The following TNFRSF21 variants were observed in gnomAD, a reference collection of about 807,000 sequenced individuals.
TNFRSF21 encodes TNF receptor superfamily member 21.
In TNFRSF21, 19 loss-of-function variants were observed where a neutral mutation model predicts 45.6. That is an observed-to-expected ratio of 0.42 (90% CI 0.29 to 0.61). TNFRSF21 has a LOEUF of 0.61. Ranked by LOEUF, TNFRSF21 falls within the 20% of genes least tolerant of loss-of-function variation. The pLI is 0.23. For synonymous variants in TNFRSF21, 314 were observed against 335.5 expected (o/e 0.94, Z 0.70); for missense variants, 737 against 851.5 (o/e 0.87, Z 1.67).
intron 3 of TNFRSF21, among the ~76,000 whole-genome samples, chr6:47,265,394 TTTG>T (rs1762317700): frequency 7.4e-6 from 1 of 134,460 alleles, no homozygotes; most frequent in Non-Finnish European, 1.7e-5. Flanking sequence ...TTTGTTTTGT[TTTG>T]TTTTTTTTAA....
intron 3 of TNFRSF21, among the ~76,000 whole-genome samples, chr6:47,261,134 C>T (rs1003928216): frequency 2.6e-5 from 4 of 152,170 alleles, no homozygotes; most frequent in Admixed American, 6.5e-5. Flanking sequence ...CTAACAGGCA[C>T]GCACTGTGTC....
At chr6:47,290,907 A>T (rs1762715428) in intron 1 of TNFRSF21, among the ~76,000 whole-genome samples, 1 of 152,266 alleles carries the variant, frequency 6.6e-6, no homozygotes, top group South Asian at 2.1e-4. Context: ...ACTCTATTCC[A>T]GCCCTTATGA....
At chr6:47,274,306 A>G (rs1762465537) in intron 3 of TNFRSF21, among the ~76,000 whole-genome samples, 1 of 152,214 alleles carries the variant, frequency 6.6e-6, no homozygotes, top group Non-Finnish European at 1.5e-5. Flanking sequence ...CCAATGGAAC[A>G]GAACACAGGC....
At chr6:47,234,941 A>G (rs1764645011) in intron 4 of TNFRSF21, 43 bp from the exon 5 acceptor site, 3 of 1,170,172 alleles carry the variant, frequency 2.6e-6, no homozygotes, top group Non-Finnish European at 3.3e-6. Flanking sequence ...TAGAAAAAAA[A>G]ACAGTAAAAT....
chr6:47,282,015 CT>C (rs1762574235), intron 3 of TNFRSF21, among the ~76,000 whole-genome samples: 1 of 152,040 alleles, frequency 6.6e-6, no homozygotes, highest in Non-Finnish European at 1.5e-5. Flanking sequence ...AATCTTTTGG[CT>C]TCCCTGAGCC....
chr6:47,306,265 T>C (rs1304010776), intron 1 of TNFRSF21, among the ~76,000 whole-genome samples: 1 of 152,258 alleles, frequency 6.6e-6, no homozygotes, highest in Non-Finnish European at 1.5e-5. Flanking sequence ...ATTCCTGTAA[T>C]TCTCATTCAC....
At chr6:47,259,300 C>T (rs918603053) in intron 3 of TNFRSF21, among the ~76,000 whole-genome samples, 13 of 152,064 alleles carry the variant, frequency 8.5e-5, no homozygotes, top group East Asian at 1.9e-4. Context: ...GTGTCTTTTT[C>T]CTTACATTGA....
At chr6:47,253,933 C>T (rs1455658122) in intron 3 of TNFRSF21, among the ~76,000 whole-genome samples, 1 of 152,204 alleles carries the variant, frequency 6.6e-6, no homozygotes, top group African/African-American at 2.4e-5. Context: ...CCTATACATA[C>T]TACGCATGAA....
chr6:47,250,652 T>G (rs1332909262), intron 4 of TNFRSF21, among the ~76,000 whole-genome samples: 1 of 152,098 alleles, frequency 6.6e-6, no homozygotes, highest in Admixed American at 6.5e-5. Context: ...GTCCAATAAC[T>G]CCTGGGGCAA....
intron 3 of TNFRSF21, among the ~76,000 whole-genome samples, chr6:47,258,641 G>A (rs1765023765): frequency 5.9e-5 from 9 of 152,106 alleles, no homozygotes; most frequent in Admixed American, 5.2e-4. Context: ...GTTTTGCCAT[G>A]TTGGCCAGGC....
At chr6:47,281,963 C>A (rs976877206) in intron 3 of TNFRSF21, among the ~76,000 whole-genome samples, 1 of 151,910 alleles carries the variant, frequency 6.6e-6, no homozygotes, top group Non-Finnish European at 1.5e-5. Flanking sequence ...TGCCTCTGCC[C>A]GACTTTCACT....
rs372661647 is a variant in TNFRSF21, at chr6:47,248,282, T to C, written c.1509+4974A>G. On this transcript the variant is annotated intron_variant, in intron 4 of 5. Transcript: ENST00000296861. ...CCAGTAATTTGATTATCAAAATTAA[T>C]TTTGATAACCACTCAGAGTGTGAAG... 8.5e-5 allele frequency among the ~76,000 whole-genome samples: 13 copies of C among 152,248 alleles called. 1 individual carries two copies. The highest frequency in any genetic ancestry group is 3.1e-4 in the African/African-American group (13 of 41,532).
chr6:47,251,978 G>C (rs1415497424), intron 4 of TNFRSF21, among the ~76,000 whole-genome samples: 1 of 152,074 alleles, frequency 6.6e-6, no homozygotes, highest in African/African-American at 2.4e-5. Context: ...AAATATGCCA[G>C]AGCTTTAAAA....
At chr6:47,271,709 C>T (rs886306317) in intron 3 of TNFRSF21, among the ~76,000 whole-genome samples, 2 of 151,956 alleles carry the variant, frequency 1.3e-5, no homozygotes, top group South Asian at 4.1e-4. Flanking sequence ...AATTAAAAGA[C>T]ACAGACTGGC....
At chr6:47,294,355 G>T (rs1363075454) in intron 1 of TNFRSF21, among the ~76,000 whole-genome samples, 1 of 152,158 alleles carries the variant, frequency 6.6e-6, no homozygotes, top group Non-Finnish European at 1.5e-5. Context: ...TGTTGGCCAG[G>T]ATGGTCTCCA....
At chr6:47,280,177 T>C (rs1315327744) in intron 3 of TNFRSF21, among the ~76,000 whole-genome samples, 2 of 152,116 alleles carry the variant, frequency 1.3e-5, no homozygotes, top group African/African-American at 4.8e-5. Flanking sequence ...CTACTGAGGG[T>C]AGGCAGGGAT....
At chr6:47,304,550 G>A (rs1762912713) in intron 1 of TNFRSF21, among the ~76,000 whole-genome samples, 1 of 152,138 alleles carries the variant, frequency 6.6e-6, no homozygotes, top group South Asian at 2.1e-4. Flanking sequence ...CCCAATAATA[G>A]CATACCTGGA....
At chr6:47,272,639 A>G (rs1366934808) in intron 3 of TNFRSF21, among the ~76,000 whole-genome samples, 1 of 152,226 alleles carries the variant, frequency 6.6e-6, no homozygotes, top group Non-Finnish European at 1.5e-5. Context: ...TTCAAAAGCT[A>G]GCAGAAGGCA....
intron 1 of TNFRSF21, among the ~76,000 whole-genome samples, chr6:47,307,860 T>C (rs1330310368): frequency 2.0e-5 from 3 of 152,344 alleles, no homozygotes; most frequent in Middle Eastern, 3.4e-3. Flanking sequence ...TCAGATGTGT[T>C]AGAAGCACCT....
Sources: allele counts gnomAD v4.1 joint callset (sites outside exome capture counted in the v4.1 genomes callset), GRCh38; gene constraint gnomAD v4.1.1; transcripts MANE v1.5; gene names NCBI Gene and HGNC (gene_info 2026-07-23, HGNC 2026-07-21).